The following DPP10 variants were observed in gnomAD, a reference collection of about 807,000 sequenced individuals.
The protein encoded by DPP10 is dipeptidyl peptidase like 10.
Under a neutral mutation model 120.9 loss-of-function variants are expected in DPP10, and 33 were observed. The ratio of observed to expected loss-of-function variants is 0.27; its 90% CI spans 0.21 to 0.37. The LOEUF is 0.37. Among genes scored for constraint, DPP10 ranks in the 10% least tolerant of loss-of-function variants. The pLI, the probability that DPP10 is intolerant of heterozygous loss-of-function variation, is 1.00. For synonymous variants in DPP10, 337 were observed against 326.1 expected, an observed-to-expected ratio of 1.03 and a Z score of -0.36; for missense variants, 816 against 942.8, an observed-to-expected ratio of 0.87 and a Z score of 1.76.
chr2:115,435,433 T>C (rs2104814477), intron 3 of DPP10, among the ~76,000 whole-genome samples: 1 of 151,998 alleles, frequency 6.6e-6, no homozygotes, highest in East Asian at 1.9e-4. Flanking sequence ...TGATTCTAAT[T>C]TCCCTGATGA....
chr2:115,824,730 A>G (rs1688146374), intron 21 of DPP10, among the ~76,000 whole-genome samples: 1 of 152,138 alleles, frequency 6.6e-6, no homozygotes, highest in African/African-American at 2.4e-5. Context: ...ATTGATGGGC[A>G]TTTGGGTTGG....
At chr2:114,661,811 G>C (rs1357834228) in intron 1 of DPP10, among the ~76,000 whole-genome samples, 1 of 152,130 alleles carries the variant, frequency 6.6e-6, no homozygotes, top group Non-Finnish European at 1.5e-5. Context: ...TGGGGTTTTT[G>C]CTTAGCCAAG....
chr2:115,192,410 C>G (rs529468871), intron 1 of DPP10, among the ~76,000 whole-genome samples: 1 of 152,302 alleles, frequency 6.6e-6, no homozygotes, highest in African/African-American at 2.4e-5. Flanking sequence ...AACCATTTGG[C>G]CAGGGTATAA....
intron 5 of DPP10, among the ~76,000 whole-genome samples, chr2:115,547,172 A>G (rs992803979): frequency 6.6e-6 from 1 of 152,166 alleles, no homozygotes. Flanking sequence ...GACATGAATG[A>G]TAACTTAAAA....
intron 1 of DPP10, among the ~76,000 whole-genome samples, chr2:114,854,852 G>C (rs760728401): frequency 6.6e-6 from 1 of 152,152 alleles, no homozygotes; most frequent in Non-Finnish European, 1.5e-5. Context: ...AAGTTTAGGA[G>C]TGGATATTTA....
intron 3 of DPP10, among the ~76,000 whole-genome samples, chr2:115,450,062 CT>C (rs2072975753): frequency 6.6e-6 from 1 of 151,952 alleles, no homozygotes; most frequent in Admixed American, 6.6e-5. Flanking sequence ...TACAGGTACT[CT>C]TGGATTTATG....
intron 1 of DPP10, among the ~76,000 whole-genome samples, chr2:115,230,474 C>T (rs2057683112): frequency 6.6e-6 from 1 of 151,916 alleles, no homozygotes; most frequent in Non-Finnish European, 1.5e-5. Flanking sequence ...GGTAGTATTT[C>T]TGCCATGAAC....
At chr2:115,484,792 C>A (rs2075665551) in intron 3 of DPP10, among the ~76,000 whole-genome samples, 1 of 152,110 alleles carries the variant, frequency 6.6e-6, no homozygotes, top group Non-Finnish European at 1.5e-5. Flanking sequence ...CTCATTCAGG[C>A]AGGAGTTTCT....
chr2:114,453,242 C>T (rs770677163), intron 1 of DPP10, among the ~76,000 whole-genome samples: 3 of 152,222 alleles, frequency 2.0e-5, no homozygotes, highest in Non-Finnish European at 4.4e-5. Flanking sequence ...TTTCAACAAA[C>T]GTGTATTAAT....
rs1328806473 is a variant in DPP10, at chr2:115,844,946, A to T, written c.*2601A>T. The T allele has an allele frequency of 9.2e-5, 14 of 152,166 alleles. No homozygotes were observed. The highest frequency in any genetic ancestry group is 1.5e-5 in the Non-Finnish European group (1 of 68,030). The allele number at this position is 152,166 out of a possible 1,614,324, so 9.4% of individuals were successfully genotyped here. A position where few individuals can be genotyped will look rare whatever the true frequency, so the allele number is the denominator to read the frequency against. The stretch of plus-strand genomic sequence containing the variant: ...CTCTTTGAGTTTCCTGACAGAACTA[A>T]AGGAAGGAATCACTCTTCAAAAGAT... On this transcript the variant is annotated 3_prime_UTR_variant, in exon 26 of 26. Coordinates refer to ENST00000410059, the MANE Select transcript of DPP10 (RefSeq NM_020868.6).
chr2:114,462,865 CCT>C (rs1679045998), intron 1 of DPP10, among the ~76,000 whole-genome samples: 7 of 152,168 alleles, frequency 4.6e-5, no homozygotes, highest in Admixed American at 4.6e-4. Flanking sequence ...TCTCCCACCC[CCT>C]GTTGACTTTA....
At chr2:115,216,887 A>G (rs1230243309) in intron 1 of DPP10, among the ~76,000 whole-genome samples, 1 of 151,948 alleles carries the variant, frequency 6.6e-6, no homozygotes, top group Non-Finnish European at 1.5e-5. Context: ...ACGTGTATAT[A>G]TGTGTATACG....
chr2:114,523,949 A>C (rs1685280836), intron 1 of DPP10, among the ~76,000 whole-genome samples: 1 of 152,162 alleles, frequency 6.6e-6, no homozygotes, highest in South Asian at 2.1e-4. Context: ...AAAAGAAATA[A>C]TTGTCTCTGA....
At chr2:114,525,436 A>G (rs866793679) in intron 1 of DPP10, among the ~76,000 whole-genome samples, 15 of 152,222 alleles carry the variant, frequency 9.9e-5, no homozygotes, top group African/African-American at 3.4e-4. Flanking sequence ...AAAGTGTAGT[A>G]TAACATCTAC....
At chr2:114,953,483 TGTGTGTGC>T (rs1697948430) in intron 1 of DPP10, among the ~76,000 whole-genome samples, 1 of 152,218 alleles carries the variant, frequency 6.6e-6, no homozygotes. Context: ...TGTGTATGTG[TGTGTGTGC>T]GTGTGTGTGT....
intron 1 of DPP10, among the ~76,000 whole-genome samples, chr2:115,109,347 C>T (rs1012179117): frequency 1.3e-5 from 2 of 151,990 alleles, no homozygotes; most frequent in African/African-American, 2.4e-5. Flanking sequence ...ACCATCCTGG[C>T]CAACATGGTG....
chr2:114,553,680 C>A (rs1275500924), intron 1 of DPP10, among the ~76,000 whole-genome samples: 1 of 150,616 alleles, frequency 6.6e-6, no homozygotes, highest in African/African-American at 2.5e-5. Context: ...CAAATAGAGG[C>A]TTTCTTTATT....
chr2:114,759,917 A>G (rs112726189), intron 1 of DPP10, among the ~76,000 whole-genome samples: 3,768 of 152,276 alleles, frequency 0.025, 84 homozygotes, highest in South Asian at 0.1. Flanking sequence ...AATAAAATAA[A>G]ATAAACAGAA....
chr2:114,719,184 C>A (rs987555281), intron 1 of DPP10, among the ~76,000 whole-genome samples: 3 of 152,134 alleles, frequency 2.0e-5, no homozygotes, highest in Non-Finnish European at 4.4e-5. Context: ...TGTGAGGTTT[C>A]AATTTAGCTA....
Sources: allele counts gnomAD v4.1 joint callset (sites outside exome capture counted in the v4.1 genomes callset), GRCh38; gene constraint gnomAD v4.1.1; transcripts MANE v1.5; gene names NCBI Gene and HGNC (gene_info 2026-07-23, HGNC 2026-07-21).